PLCB1: variants seen among roughly 807,000 people sequenced by gnomAD.
PLCB1 encodes the protein phospholipase C beta 1.
A neutral mutation model predicts 161.8 loss-of-function variants in PLCB1; 46 were observed. That is an observed-to-expected ratio of 0.28 (90% confidence interval 0.22 to 0.36). PLCB1 has a LOEUF of 0.36. Ranked by LOEUF, PLCB1 falls within the 10% of genes least tolerant of loss-of-function variation. The pLI is 1.00. For missense variants in PLCB1, 1,016 were observed against 1,472.5 expected, an observed-to-expected ratio of 0.69 and a Z score of 5.07; for synonymous variants, 517 against 503.7, an observed-to-expected ratio of 1.03 and a Z score of -0.35.
intron 3 of PLCB1, among the ~76,000 whole-genome samples, chr20:8,594,870 C>A (rs1306246489): frequency 6.6e-6 from 1 of 152,208 alleles, no homozygotes; most frequent in African/African-American, 2.4e-5. Context: ...GAGTTCCTTA[C>A]CCAAATTAGG....
At chr20:8,621,321 T>C (rs1988177343) in intron 3 of PLCB1, among the ~76,000 whole-genome samples, 1 of 152,162 alleles carries the variant, frequency 6.6e-6, no homozygotes. Flanking sequence ...GTAGCATATG[T>C]CAAAAAGACT....
intron 3 of PLCB1, among the ~76,000 whole-genome samples, chr20:8,615,581 T>A (rs1988022523): frequency 6.6e-6 from 1 of 152,180 alleles, no homozygotes; most frequent in Admixed American, 6.6e-5. Flanking sequence ...TAGAAACCAT[T>A]CTTTGATGAA....
At chr20:8,282,031 A>T (rs1370449501) in intron 2 of PLCB1, among the ~76,000 whole-genome samples, 3 of 152,338 alleles carry the variant, frequency 2.0e-5, no homozygotes, top group South Asian at 2.1e-4. Context: ...ACATGCATAT[A>T]CAAATACACA....
chr20:8,157,662 A>G (rs1304788660), intron 2 of PLCB1, among the ~76,000 whole-genome samples: 2 of 152,216 alleles, frequency 1.3e-5, no homozygotes, highest in Non-Finnish European at 2.9e-5. Flanking sequence ...ATACAAATAA[A>G]TGTTATTAGA....
At chr20:8,796,906 GT>G (rs2146232813) in intron 31 of PLCB1, among the ~76,000 whole-genome samples, 1 of 152,124 alleles carries the variant, frequency 6.6e-6, no homozygotes, top group South Asian at 2.1e-4. Flanking sequence ...GTTTTTTCTT[GT>G]ATCTTCTGCC....
At chr20:8,246,218 T>G (rs1031483438) in intron 2 of PLCB1, among the ~76,000 whole-genome samples, 1 of 151,946 alleles carries the variant, frequency 6.6e-6, no homozygotes, top group Non-Finnish European at 1.5e-5. Flanking sequence ...CAACTACATA[T>G]TTAGGCTCTG....
intron 2 of PLCB1, among the ~76,000 whole-genome samples, chr20:8,234,088 T>G (rs1980204722): frequency 6.6e-6 from 1 of 152,080 alleles, no homozygotes. Flanking sequence ...GGTGTGTGTC[T>G]TAGAGTGAAA....
chr20:8,764,809 G>A lies in PLCB1; in HGVS notation c.2711-330G>A, dbSNP rs190192471. Among the ~76,000 whole-genome samples the A allele has an allele frequency of 3.2e-3, 493 of 152,198 alleles. 4 individuals carry two copies. The highest frequency in any genetic ancestry group is 0.01 in the African/African-American group (431 of 41,542). On this transcript the variant is annotated intron_variant, in intron 25 of 31. Transcript: ENST00000338037. ...CTTGCTCAGCTCCTTCCCCAGCCCCGTCTGCTTTCCTGGCTCCCCTACTCT... is the reference window on the plus strand; with the variant it reads ...CTTGCTCAGCTCCTTCCCCAGCCCCATCTGCTTTCCTGGCTCCCCTACTCT...
intron 2 of PLCB1, among the ~76,000 whole-genome samples, chr20:8,288,770 T>C (rs1983246470): frequency 1.3e-5 from 2 of 152,182 alleles, no homozygotes; most frequent in South Asian, 4.1e-4. Context: ...AAGTACTAAC[T>C]ACAGTTACTG....
chr20:8,788,338 G>A (rs1236885776), intron 27 of PLCB1, 111 bp from the exon 28 acceptor site: 1 of 961,426 alleles, frequency 1.0e-6, no homozygotes, highest in East Asian at 2.6e-5. Context: ...TAACTATTGT[G>A]AAACATCCAT....
At chr20:8,638,923 A>G (rs949427473) in intron 4 of PLCB1, among the ~76,000 whole-genome samples, 13 of 152,270 alleles carry the variant, frequency 8.5e-5, no homozygotes, top group Middle Eastern at 3.4e-3. Flanking sequence ...ATCAAACAAT[A>G]GCTGAGACAA....
chr20:8,785,727 G>T (rs991276218), intron 27 of PLCB1, among the ~76,000 whole-genome samples: 1 of 152,118 alleles, frequency 6.6e-6, no homozygotes, highest in Non-Finnish European at 1.5e-5. Context: ...GAAGGTCTGT[G>T]AGTTCTCCAG....
intron 13 of PLCB1, among the ~76,000 whole-genome samples, chr20:8,717,266 A>G (rs1979368616): frequency 6.6e-6 from 1 of 152,156 alleles, no homozygotes; most frequent in Admixed American, 6.5e-5. Flanking sequence ...CTCACCTGGA[A>G]GCTTCTGCCC....
chr20:8,605,610 C>CTT (rs74685527), intron 3 of PLCB1, among the ~76,000 whole-genome samples: 17 of 88,270 alleles, frequency 1.9e-4, no homozygotes, highest in African/African-American at 3.0e-4. Context: ...TTGGTGTTTT[C>CTT]TTTTTTTTTT....
intron 3 of PLCB1, among the ~76,000 whole-genome samples, chr20:8,437,982 CAT>C: frequency 6.6e-6 from 1 of 152,018 alleles, no homozygotes; most frequent in Admixed American, 6.5e-5. Flanking sequence ...CTCCCTGAAA[CAT>C]AAAAAAAGTC....
intron 2 of PLCB1, among the ~76,000 whole-genome samples, chr20:8,204,397 T>C (rs1296283422): frequency 6.6e-6 from 1 of 152,166 alleles, no homozygotes; most frequent in East Asian, 1.9e-4. Context: ...AATTGTTTAC[T>C]GAACTCAGGC....
chr20:8,253,302 T>G (rs961853213), intron 2 of PLCB1, among the ~76,000 whole-genome samples: 12 of 152,024 alleles, frequency 7.9e-5, no homozygotes, highest in African/African-American at 2.9e-4. Flanking sequence ...CTAGCACTAT[T>G]CACTTAGAAA....
Position 8,433,444 on chromosome 20 carries a change from A to G in PLCB1, c.246+61994A>G, listed in dbSNP as rs811302. On this transcript the variant is annotated intron_variant, in intron 3 of 31. Transcript: ENST00000338037. ...CTGCTTTTGCTCATGCTTTCTGAAG[A>G]TCTTCCATAAAGAGGGGAACTGCGA... 0.61 allele frequency among the ~76,000 whole-genome samples: 79,586 copies of G among 131,288 alleles called. 25,819 individuals are homozygous for G. The highest frequency in any genetic ancestry group is 0.7 in the East Asian group (3,606 of 5,146). 86.1% of individuals were successfully genotyped at this position (131,288 alleles called of 152,430 possible).
At chr20:8,798,714 T>A (rs1448620021) in intron 31 of PLCB1, among the ~76,000 whole-genome samples, 2 of 152,156 alleles carry the variant, frequency 1.3e-5, no homozygotes, top group Non-Finnish European at 1.5e-5. Flanking sequence ...CAACAATGCC[T>A]GAGTATTACA....
Sources: allele counts gnomAD v4.1 joint callset (sites outside exome capture counted in the v4.1 genomes callset), GRCh38; gene constraint gnomAD v4.1.1; transcripts MANE v1.5; gene names NCBI Gene and HGNC (gene_info 2026-07-23, HGNC 2026-07-21).